The following CTNNA2 variants were observed in gnomAD, a reference collection of about 807,000 sequenced individuals.
The protein encoded by CTNNA2 is catenin alpha 2, also known as catenin alpha-2.
Under a neutral mutation model 101.0 loss-of-function variants are expected in CTNNA2, and 42 were observed. The observed-to-expected ratio is 0.42, with a 90% CI of 0.32 to 0.54. CTNNA2 has a LOEUF of 0.54. Among genes scored for constraint, CTNNA2 ranks in the 20% least tolerant of loss-of-function variants. The probability of loss-of-function intolerance (pLI) is 0.14; values close to 1 mark genes in which losing one functional copy is unlikely to be tolerated. For missense variants in CTNNA2, 871 were observed against 1,223.1 expected (o/e 0.71, Z 4.29); for synonymous variants, 450 against 456.4 (o/e 0.99, Z 0.18).
At chr2:80,395,233 C>T (rs1677901795) in intron 8 of CTNNA2, among the ~76,000 whole-genome samples, 2 of 152,130 alleles carry the variant, frequency 1.3e-5, no homozygotes, top group South Asian at 4.1e-4. Flanking sequence ...AGGAGTGTGT[C>T]CTTCCCTGAA....
At chr2:79,758,901 G>A (rs1049312889) in intron 3 of CTNNA2, among the ~76,000 whole-genome samples, 1 of 152,132 alleles carries the variant, frequency 6.6e-6, no homozygotes, top group Non-Finnish European at 1.5e-5. Flanking sequence ...AAACAAACAG[G>A]TCAAGGTTAA....
chr2:79,535,701 A>G (rs1297020864), intron 1 of CTNNA2, among the ~76,000 whole-genome samples: 1 of 152,128 alleles, frequency 6.6e-6, no homozygotes, highest in Non-Finnish European at 1.5e-5. Context: ...TATGAATGCT[A>G]TCAGAATTTT....
intron 3 of CTNNA2, among the ~76,000 whole-genome samples, chr2:79,333,076 A>G (rs1676911770): frequency 6.6e-6 from 1 of 152,236 alleles, no homozygotes; most frequent in African/African-American, 2.4e-5. Flanking sequence ...GAAACGCAAC[A>G]GACAAATTTT....
At chr2:79,228,896 A>C (rs1674455377) in intron 2 of CTNNA2, among the ~76,000 whole-genome samples, 1 of 152,096 alleles carries the variant, frequency 6.6e-6, no homozygotes, top group African/African-American at 2.4e-5. Context: ...GGGGTATTAC[A>C]TTTACATTTT....
chr2:79,781,723 C>T (rs1674442590), intron 3 of CTNNA2, among the ~76,000 whole-genome samples: 2 of 152,152 alleles, frequency 1.3e-5, no homozygotes, highest in South Asian at 4.1e-4. Context: ...TTTAAGGAAT[C>T]TCTGGGGCAA....
At position 80,070,656 on chromosome 2, in the gene CTNNA2, G is replaced by T. The variant is rs528014744; in HGVS notation, c.1056+160859G>T. 3.2e-3 allele frequency among the ~76,000 whole-genome samples: 484 copies of T among 151,616 alleles called. 6 individuals are homozygous for T. The highest frequency in any genetic ancestry group is 4.7e-3 in the Non-Finnish European group (319 of 67,966). On this transcript the variant is annotated intron_variant, in intron 7 of 18. Transcript: ENST00000402739. ...CGCTTGAGCCTGGGAGGTCGAGGCTGCAGTGAGCCATGATCACACCACTGC... is the reference window on the plus strand; with the variant it reads ...CGCTTGAGCCTGGGAGGTCGAGGCTTCAGTGAGCCATGATCACACCACTGC...
intron 7 of CTNNA2, among the ~76,000 whole-genome samples, chr2:79,975,330 G>A (rs184761664): frequency 1.1e-3 from 172 of 152,238 alleles, no homozygotes; most frequent in Non-Finnish European, 2.1e-3. Context: ...AACAAACTCA[G>A]TTTTTCCTAC....
intron 3 of CTNNA2, among the ~76,000 whole-genome samples, chr2:79,340,993 G>T (rs1213341153): frequency 6.6e-6 from 1 of 150,768 alleles, no homozygotes; most frequent in Admixed American, 6.6e-5. Flanking sequence ...TTATAAAATG[G>T]CTATCATGTA....
chr2:80,306,450 TTCTC>T (rs765222009), intron 7 of CTNNA2, among the ~76,000 whole-genome samples: 65 of 125,002 alleles, frequency 5.2e-4, no homozygotes, highest in African/African-American at 7.3e-4. Flanking sequence ...CTTTCTTTCT[TTCTC>T]TCTCTCTCTT....
At chr2:79,669,479 C>G (rs1362939515) in intron 2 of CTNNA2, among the ~76,000 whole-genome samples, 2 of 152,266 alleles carry the variant, frequency 1.3e-5, no homozygotes, top group Admixed American at 6.5e-5. Context: ...ATGAGGTGCG[C>G]AGACAATTGA....
Position 79,242,681 on chromosome 2 carries a change from T to C in CTNNA2, c.-406+44605T>C, listed in dbSNP as rs1674641885. ...TTAGAATTCATTTTTAATATGTTAA[T>C]ATTAGGCCAAGCGTGGTGGCTCACG... On this transcript the variant is annotated intron_variant, in intron 2 of 21. Transcript: ENST00000466387. Among the ~76,000 whole-genome samples the C allele has an allele frequency of 6.6e-5, 10 of 152,106 alleles. No homozygotes were observed. In the South Asian group the frequency reaches 2.1e-3, roughly 31 times the overall value.
chr2:80,337,264 G>T (rs1671832194), intron 7 of CTNNA2, among the ~76,000 whole-genome samples: 1 of 151,866 alleles, frequency 6.6e-6, no homozygotes, highest in Admixed American at 6.6e-5. Context: ...CTGAGGCAGG[G>T]GAATCGCTTG....
intron 2 of CTNNA2, among the ~76,000 whole-genome samples, chr2:79,280,800 A>C (rs1224111831): frequency 1.3e-5 from 2 of 151,708 alleles, no homozygotes; most frequent in African/African-American, 4.8e-5. Flanking sequence ...ACATGCTGTG[A>C]CTGCACACCT....
intron 1 of CTNNA2, among the ~76,000 whole-genome samples, chr2:79,574,574 T>G (rs1356692401): frequency 6.6e-6 from 1 of 152,190 alleles, no homozygotes; most frequent in African/African-American, 2.4e-5. Flanking sequence ...CTGTGTAGTA[T>G]TACGTGGTAC....
intron 7 of CTNNA2, among the ~76,000 whole-genome samples, chr2:80,125,325 A>G (rs1278985044): frequency 6.6e-6 from 1 of 152,064 alleles, no homozygotes; most frequent in Non-Finnish European, 1.5e-5. Context: ...GCCTTCCCCA[A>G]ATGGGATCTG....
At chr2:79,267,069 G>T (rs1000117907) in intron 2 of CTNNA2, among the ~76,000 whole-genome samples, 9 of 152,090 alleles carry the variant, frequency 5.9e-5, no homozygotes, top group Admixed American at 5.2e-4. Context: ...GGGCAGGGGT[G>T]CACTTGAGGT....
intron 12 of CTNNA2, among the ~76,000 whole-genome samples, chr2:80,563,502 G>A (rs147958063): frequency 1.2e-4 from 19 of 152,308 alleles, no homozygotes; most frequent in African/African-American, 4.6e-4. Flanking sequence ...CAGAAGTACT[G>A]TATATGGCCA....
At chr2:79,260,170 G>A (rs142655468) in intron 2 of CTNNA2, among the ~76,000 whole-genome samples, 169 of 152,124 alleles carry the variant, frequency 1.1e-3, no homozygotes, top group African/African-American at 3.9e-3. Flanking sequence ...GTTCTAAGTG[G>A]GACTGTTGTT....
At chr2:80,254,820 T>C (rs543163648) in intron 7 of CTNNA2, among the ~76,000 whole-genome samples, 104 of 152,292 alleles carry the variant, frequency 6.8e-4, no homozygotes, top group African/African-American at 2.1e-3. Flanking sequence ...TCCTTTGTTT[T>C]TCAAAAGAAG....
Sources: allele counts gnomAD v4.1 joint callset (sites outside exome capture counted in the v4.1 genomes callset), GRCh38; gene constraint gnomAD v4.1.1; transcripts MANE v1.5; gene names NCBI Gene and HGNC (gene_info 2026-07-23, HGNC 2026-07-21).